Variants in FRMPD2 observed in about 807,000 individuals in gnomAD.
FRMPD2 encodes FERM and PDZ domain-containing protein 2.
A neutral mutation model predicts 140.1 loss-of-function variants in FRMPD2; 96 were observed. That is an observed-to-expected ratio of 0.69 (90% CI 0.58 to 0.81). The LOEUF is 0.81. FRMPD2 is among the 40% of genes least tolerant of loss of function. FRMPD2 has a pLI of 0.00. For synonymous variants in FRMPD2, 449 were observed against 547.6 expected (o/e 0.82, Z 2.52); for missense variants, 1,240 against 1,447.4 (o/e 0.86, Z 2.32).
intron 10 of FRMPD2, among the ~76,000 whole-genome samples, chr10:48,228,804 A>G (rs1839784272): frequency 6.6e-6 from 1 of 152,070 alleles, no homozygotes; most frequent in Non-Finnish European, 1.5e-5. Context: ...GTCGTTTAAA[A>G]AAGTAATTTT....
At chr10:48,215,655 G>A (rs1440138553) in intron 12 of FRMPD2, among the ~76,000 whole-genome samples, 1 of 152,180 alleles carries the variant, frequency 6.6e-6, no homozygotes, top group Non-Finnish European at 1.5e-5. Context: ...CCACATGGGG[G>A]CAGCAGAGAG....
At chr10:48,192,628 G>T in intron 16 of FRMPD2, 56 bp downstream of exon 16, 2 of 1,437,842 alleles carry the variant, frequency 1.4e-6, no homozygotes, top group Non-Finnish European at 2.0e-6. Context: ...ACAGATCACT[G>T]CAAACCATCA....
chr10:48,267,500 G>C (rs1054575345), intron 1 of FRMPD2, among the ~76,000 whole-genome samples: 1 of 152,118 alleles, frequency 6.6e-6, no homozygotes, highest in Non-Finnish European at 1.5e-5. Flanking sequence ...CTGTATCAAA[G>C]GGCATTATCA....
rs554255778 is a variant in FRMPD2 at position 48,273,463 on chromosome 10, T to C, written c.25+1080A>G. On this transcript the variant is annotated intron_variant, in intron 1 of 28. Transcript: ENST00000374201. ...AAAGTTAGGCCAAACTGCCTGCTGT[T>C]CCCAGAGCATGCTTTACTTATTCAT... 9.2e-5 allele frequency among the ~76,000 whole-genome samples: 14 copies of C among 152,332 alleles called. No individual in the cohort carries two copies. In the South Asian group the frequency reaches 2.9e-3, roughly 32 times the overall value.
chr10:48,242,738 A>C (rs280613), intron 4 of FRMPD2, among the ~76,000 whole-genome samples: 1 of 152,072 alleles, frequency 6.6e-6, no homozygotes, highest in Non-Finnish European at 1.5e-5. Context: ...ATTGTATCCA[A>C]TCACTCAGGG....
At chr10:48,244,312 A>C (rs1435204779) in intron 4 of FRMPD2, among the ~76,000 whole-genome samples, 2 of 152,264 alleles carry the variant, frequency 1.3e-5, no homozygotes, top group East Asian at 3.8e-4. Context: ...CTAAGCTTTA[A>C]GCCTTCTTGT....
At chr10:48,229,828 G>A (rs993275939) in intron 10 of FRMPD2, among the ~76,000 whole-genome samples, 21 of 152,152 alleles carry the variant, frequency 1.4e-4, no homozygotes, top group African/African-American at 4.8e-4. Context: ...TTTTCTAAAC[G>A]CATTTGCAAT....
intron 1 of FRMPD2, among the ~76,000 whole-genome samples, chr10:48,273,371 T>C (rs1264426798): frequency 6.6e-6 from 1 of 152,198 alleles, no homozygotes; most frequent in Non-Finnish European, 1.5e-5. Flanking sequence ...TAGAAGGCCT[T>C]CCTTGCTCTC....
chr10:48,268,739 C>T (rs560024308), intron 1 of FRMPD2, among the ~76,000 whole-genome samples: 7 of 152,120 alleles, frequency 4.6e-5, no homozygotes, highest in Admixed American at 6.5e-5. Flanking sequence ...ATCTTTGTGG[C>T]GATAGAATAG....
chr10:48,223,355 G>C, intron 10 of FRMPD2, 85 bp from the exon 11 acceptor site: 1 of 1,372,324 alleles, frequency 7.3e-7, no homozygotes, highest in Non-Finnish European at 9.9e-7. Flanking sequence ...GCCCTACCCA[G>C]AGTGTCACAC....
chr10:48,213,575 T>C (rs1006468494), intron 12 of FRMPD2, among the ~76,000 whole-genome samples: 1 of 152,160 alleles, frequency 6.6e-6, no homozygotes, highest in African/African-American at 2.4e-5. Context: ...TGGAAGCAAA[T>C]GATGTCCCTC....
At chr10:48,225,209 A>G (rs1178634110) in intron 10 of FRMPD2, among the ~76,000 whole-genome samples, 1 of 152,230 alleles carries the variant, frequency 6.6e-6, no homozygotes. Flanking sequence ...CATGGTATTT[A>G]TAGTAATGGT....
chr10:48,239,118 C>T (rs967750370), intron 7 of FRMPD2, among the ~76,000 whole-genome samples: 3 of 152,176 alleles, frequency 2.0e-5, no homozygotes, highest in South Asian at 2.1e-4. Context: ...CAGACAATGG[C>T]CATTCACCCC....
intron 14 of FRMPD2, among the ~76,000 whole-genome samples, chr10:48,205,856 A>G (rs2131871517): frequency 6.6e-6 from 1 of 152,362 alleles, no homozygotes; most frequent in Admixed American, 6.5e-5. Flanking sequence ...GATGGAAGAA[A>G]TAAAAGAAAC....
intron 8 of FRMPD2, among the ~76,000 whole-genome samples, chr10:48,236,985 C>T (rs374506531): frequency 6.6e-6 from 1 of 152,142 alleles, no homozygotes; most frequent in East Asian, 1.9e-4. Flanking sequence ...TAGTGGGCAC[C>T]TCTTGTTCTC....
chr10:48,171,603 G>A (rs1157285742), intron 25 of FRMPD2, among the ~76,000 whole-genome samples: 3 of 152,334 alleles, frequency 2.0e-5, no homozygotes, highest in Admixed American at 6.5e-5. Context: ...AATTATTAAC[G>A]AGATATTTTT....
chr10:48,219,676 T>C (rs1197764096), intron 12 of FRMPD2, among the ~76,000 whole-genome samples: 1 of 152,204 alleles, frequency 6.6e-6, no homozygotes, highest in Non-Finnish European at 1.5e-5. Flanking sequence ...TTTTAAATCA[T>C]AATTAGGTAG....
chr10:48,187,831 T>C (rs906789651), intron 16 of FRMPD2, among the ~76,000 whole-genome samples: 2 of 152,196 alleles, frequency 1.3e-5, no homozygotes, highest in African/African-American at 4.8e-5. Flanking sequence ...TTGTACATGT[T>C]GTGTTGGGTG....
Position 48,274,622 on chromosome 10 carries a change from A to G in FRMPD2, c.-55T>C, listed in dbSNP as rs1588866443. 3.2e-6 allele frequency: 5 copies of G among 1,567,202 alleles called. No homozygotes were observed. In the East Asian group the frequency reaches 9.0e-5, roughly 28 times the overall value. ...TTCATCATGGGACAACTTTCCAACA[A>G]GGAGCAGGGGTCTCTTGCAAGTCTG... On this transcript the variant is annotated 5_prime_UTR_variant, in exon 1 of 29. Transcript: ENST00000374201.
Sources: gnomAD v4.1 joint callset for allele counts (sites outside exome capture counted in the v4.1 genomes callset) on GRCh38, gnomAD v4.1.1 for gene constraint, MANE v1.5 for transcripts, NCBI Gene and HGNC (gene_info 2026-07-23, HGNC 2026-07-21) for gene names.